Variants in DEFB126 observed in about 807,000 individuals in gnomAD.
The protein encoded by DEFB126 is beta-defensin 126.
A neutral mutation model predicts 2.5 loss-of-function variants in DEFB126; 2 were observed. The observed-to-expected ratio is 0.79, with a 90% confidence interval of 0.32 to 2.49. DEFB126 has a LOEUF of 2.49. DEFB126 is among the 30% of genes most tolerant of loss of function. The pLI, the probability that DEFB126 is intolerant of heterozygous loss-of-function variation, is 0.11. For synonymous variants in DEFB126, 51 were observed against 45.4 expected (o/e 1.12, Z -0.50); for missense variants, 136 against 135.4 (o/e 1.00, Z -0.02).
intron 1 of DEFB126, among the ~76,000 whole-genome samples, chr20:143,665 G>A (rs975719334): frequency 3.9e-5 from 6 of 152,076 alleles, no homozygotes; most frequent in Admixed American, 1.3e-4. Context: ...CTTGGTACAA[G>A]GGTATTATTT....
chr20:145,674 C>T lies in DEFB126; in HGVS notation c.318C>T (p.Pro106=), dbSNP rs75650107. ...CGATGTCTTCGATGGCTCCTACCCCCGTTTCTCCCACTGGTTGAACATTCC... is the reference window on the plus strand; with the variant it reads ...CGATGTCTTCGATGGCTCCTACCCCTGTTTCTCCCACTGGTTGAACATTCC... The part of the protein sequence containing the change: ...TASMSSMAPT[P]VSPTG Residue 106 remains proline (P), a synonymous_variant, in exon 2 of 2, where the codon CCC becomes CCT. Transcript: ENST00000382398. The T allele has an allele frequency of 1.5e-5, 23 of 1,531,366 alleles. No homozygotes were observed. The highest frequency in any genetic ancestry group is 2.4e-5 in the South Asian group (2 of 84,424). 94.9% of individuals were successfully genotyped at this position (1,531,366 alleles called of 1,614,324 possible). A position where few individuals can be genotyped will look rare whatever the true frequency, so the allele number is the denominator to read the frequency against.
rs375427290 is a variant in DEFB126, at chr20:145,549, C to T, written c.193C>T (p.Arg65Cys). 32 of 1,613,924 alleles carry T rather than the reference C, an allele frequency of 2.0e-5. No individual in the cohort carries two copies. Among genetic ancestry groups the T allele is most frequent in the African/African-American group, 8.0e-5 (6 of 74,912 alleles). The stretch of plus-strand genomic sequence containing the variant: ...GGACTGCTGTGTTCCAGCTGACAGA[C>T]GTGCTAATTATCCTGTTTTCTGTGT... ...QRDCCVPADR[R>C]ANYPVFCVQT... The change falls in exon 2 of 2, where the codon CGT becomes TGT. Residue 65 changes from arginine to cysteine, a missense_variant. By Grantham distance (180) the Arg-to-Cys change is radical. Coordinates refer to ENST00000382398, the MANE Select transcript of DEFB126 (RefSeq NM_030931.4).
Position 145,404 on chromosome 20 carries a change from C to G in DEFB126, c.59-11C>G. 6.2e-7 allele frequency: 1 copy of G among 1,611,722 alleles called. No individual in the cohort carries two copies. On this transcript the variant is annotated splice_polypyrimidine_tract_variant and intron_variant, in intron 1 of 1. Transcript: ENST00000382398. ...CTTAGGCTTAATAATCTATATAATT[C>G]CTTTATTCAGGTAATTGGTATGTGA...
At chr20:145,069 T>C (rs568359501) in intron 1 of DEFB126, among the ~76,000 whole-genome samples, 1 of 152,232 alleles carries the variant, frequency 6.6e-6, no homozygotes, top group South Asian at 2.1e-4. Flanking sequence ...TCTGTTTAGG[T>C]GTTTGTGTTT....
At chr20:142,738 A>G in intron 1 of DEFB126, 52 bp downstream of exon 1, 1 of 1,578,374 alleles carries the variant, frequency 6.3e-7, no homozygotes. Flanking sequence ...AGGGTCCTGC[A>G]CATGGAGTCC....
Position 142,701 on chromosome 20 carries a change from G to A in DEFB126, c.58+15G>A. The stretch of plus-strand genomic sequence containing the variant: ...ATTGGTCTCAGGTAAACAGAATCTT[G>A]GGGAAGAAGAAACACTGGCCTGGAA... On this transcript the variant is annotated intron_variant, in intron 1 of 1. Transcript: ENST00000382398. 1 of 1,613,298 alleles carries A rather than the reference G, an allele frequency of 6.2e-7. No homozygotes were observed. The highest frequency in any genetic ancestry group is 8.5e-7 in the Non-Finnish European group (1 of 1,179,352).
At chr20:143,404 TA>T (rs1322242931) in intron 1 of DEFB126, among the ~76,000 whole-genome samples, 1 of 152,200 alleles carries the variant, frequency 6.6e-6, no homozygotes, top group African/African-American at 2.4e-5. Flanking sequence ...TAACCTGCTT[TA>T]TTTTTTTACC....
rs553731198 is a variant in DEFB126, at chr20:145,155, A to C, written c.59-260A>C. On this transcript the variant is annotated intron_variant, in intron 1 of 1. Transcript: ENST00000382398. ...CATGCTATATATTTTCCCATTTAAA[A>C]TCATGGGGAATTGGCCCCTGGTAAG... Among the ~76,000 whole-genome samples, 21 of 152,282 alleles carry C rather than the reference A, an allele frequency of 1.4e-4. No homozygotes were observed. The South Asian group carries it at 4.4e-3, about 32-fold the overall frequency.
chr20:145,604 T>C lies in DEFB126; in HGVS notation c.248T>C (p.Val83Ala). Residue 83 changes from valine (V) to alanine (A), a missense_variant, in exon 2 of 2, where the codon GTA (valine) becomes GCA (alanine). Physicochemically the swap from Val to Ala is moderately conservative, Grantham distance 64. Coordinates refer to ENST00000382398, the MANE Select transcript of DEFB126 (RefSeq NM_030931.4). ...ACAAAGACTACAAGAATTTCAACAG[T>C]AACAGCAACAACAGCAACAACAACT... ...VQTKTTRISTVTATTATTTLM... is the reference protein window; with the variant it reads ...VQTKTTRISTATATTATTTLM... The C allele has an allele frequency of 6.2e-7, 1 of 1,613,978 alleles. No homozygotes were observed. The highest frequency in any genetic ancestry group is 8.5e-7 in the Non-Finnish European group (1 of 1,179,936).
intron 1 of DEFB126, among the ~76,000 whole-genome samples, chr20:143,795 T>G (rs1271693292): frequency 6.6e-6 from 1 of 152,108 alleles, no homozygotes; most frequent in East Asian, 1.9e-4. Context: ...CTAAAATGCA[T>G]TATTTATTTG....
At chr20:143,247 G>T in intron 1 of DEFB126, among the ~76,000 whole-genome samples, 1 of 152,090 alleles carries the variant, frequency 6.6e-6, no homozygotes, top group East Asian at 1.9e-4. Context: ...AGCTCTGTTT[G>T]TGTAAGCATT....
Position 145,619 on chromosome 20 carries a change from C to T in DEFB126, c.263C>T (p.Ala88Val), listed in dbSNP as rs749217291. 6.2e-7 allele frequency: 1 copy of T among 1,613,630 alleles called. No individual in the cohort carries two copies. The highest frequency in any genetic ancestry group is 1.1e-5 in the South Asian group (1 of 91,070). The change falls in exon 2 of 2, where the codon GCA (alanine) becomes GTA (valine). Residue 88 changes from alanine (A) to valine (V), a missense_variant. Transcript: ENST00000382398. ...TRISTVTATT[A>V]TTTLMMTTAS... is the part of the protein sequence containing the mutation. ...ATTTCAACAGTAACAGCAACAACAG[C>T]AACAACAACTTTGATGATGACTACT...
chr20:144,891 A>G (rs2054661188), intron 1 of DEFB126, among the ~76,000 whole-genome samples: 1 of 152,160 alleles, frequency 6.6e-6, no homozygotes. Context: ...ATGTAAGATA[A>G]GCCTAGAGTT....
chr20:143,297 CCAAGA>C (rs2054655509), intron 1 of DEFB126, among the ~76,000 whole-genome samples: 1 of 152,114 alleles, frequency 6.6e-6, no homozygotes, highest in Non-Finnish European at 1.5e-5. Context: ...ATTTACAAAA[CCAAGA>C]CAAGAACACT....
chr20:144,756 CT>C (rs1181326806), intron 1 of DEFB126, among the ~76,000 whole-genome samples: 2 of 152,032 alleles, frequency 1.3e-5, no homozygotes, highest in African/African-American at 4.8e-5. Context: ...AATGGAATGG[CT>C]TTTTTTATTC....
intron 1 of DEFB126, among the ~76,000 whole-genome samples, chr20:144,703 A>G (rs1450584842): frequency 6.6e-6 from 1 of 152,168 alleles, no homozygotes; most frequent in African/African-American, 2.4e-5. Flanking sequence ...GTACACATAT[A>G]TAGGCAAACC....
chr20:142,789 A>G (rs2054653406), intron 1 of DEFB126, 103 bp downstream of exon 1: 1 of 1,237,424 alleles, frequency 8.1e-7, no homozygotes, highest in African/African-American at 1.5e-5. Flanking sequence ...CTGGCTTCTC[A>G]CTGGGAGCAG....
At position 145,649 on chromosome 20, in the gene DEFB126, C is replaced by G; in HGVS notation, c.293C>G (p.Ser98Trp). ...ACAACTTTGATGATGACTACTGCTT[C>G]GATGTCTTCGATGGCTCCTACCCCC... Reference protein sequence around the residue: ...ATTTLMMTTASMSSMAPTPVS... With the variant: ...ATTTLMMTTAWMSSMAPTPVS... Residue 98 changes from serine (S) to tryptophan (W), a missense_variant, in exon 2 of 2, where the codon TCG becomes TGG. Coordinates refer to ENST00000382398, the MANE Select transcript of DEFB126 (RefSeq NM_030931.4). The G allele has an allele frequency of 6.3e-7, 1 of 1,591,626 alleles. No individual in the cohort carries two copies. The highest frequency in any genetic ancestry group is 8.5e-7 in the Non-Finnish European group (1 of 1,171,850).
rs1568464875 is a variant in DEFB126, at chr20:145,488, T to C, written c.132T>C (p.His44=). ...CKKKCKPEEM[H]VKNGWAMCGK... ...AGAAGTGCAAACCTGAAGAGATGCA[T>C]GTAAAGAATGGTTGGGCAATGTGCG... The change falls in exon 2 of 2, where the codon CAT becomes CAC. Residue 44 remains histidine, a synonymous_variant. Coordinates refer to ENST00000382398, the MANE Select transcript of DEFB126 (RefSeq NM_030931.4). 2 of 1,613,144 alleles carry C rather than the reference T, an allele frequency of 1.2e-6. No homozygotes were observed. The highest frequency in any genetic ancestry group is 1.3e-5 in the African/African-American group (1 of 74,512).
Sources: gnomAD v4.1 joint callset for allele counts (sites outside exome capture counted in the v4.1 genomes callset) on GRCh38, gnomAD v4.1.1 for gene constraint, MANE v1.5 for transcripts, NCBI Gene and HGNC (gene_info 2026-07-23, HGNC 2026-07-21) for gene names.